The following CEP128 variants were observed in gnomAD, a reference collection of about 807,000 sequenced individuals.
CEP128 encodes centrosomal protein 128kDa.
Under a neutral mutation model 156.7 loss-of-function variants are expected in CEP128, and 132 were observed. The ratio of observed to expected loss-of-function variants is 0.84; its 90% CI spans 0.73 to 0.97. The LOEUF is 0.97. CEP128 is among the 50% of genes least tolerant of loss of function. The pLI is 0.00. For synonymous variants in CEP128, 469 were observed against 448.9 expected (o/e 1.04, Z -0.57); for missense variants, 1,252 against 1,281.9 (o/e 0.98, Z 0.36).
chr14:80,740,904 G>C (rs1462117275), intron 19 of CEP128, among the ~76,000 whole-genome samples: 1 of 152,132 alleles, frequency 6.6e-6, no homozygotes, highest in Non-Finnish European at 1.5e-5. Flanking sequence ...CAGCATGGGG[G>C]CAGTGAGGAA....
chr14:80,488,111 A>G (rs1388941242), downstream of CEP128, among the ~76,000 whole-genome samples: 2 of 141,332 alleles, frequency 1.4e-5, no homozygotes, highest in Non-Finnish European at 3.1e-5. Context: ...AAGATCAACA[A>G]AATCAATAGA....
At position 80,580,268 on chromosome 14, in the gene CEP128, G is replaced by T. The variant is rs542094629; in HGVS notation, c.2856+106C>A. The T allele has an allele frequency of 3.3e-4, 223 of 677,162 alleles. 1 individual carries two copies. The highest frequency in any genetic ancestry group is 4.3e-4 in the Non-Finnish European group (168 of 391,426). 41.9% of individuals were successfully genotyped at this position (677,162 alleles called of 1,614,324 possible). A position where few individuals can be genotyped will look rare whatever the true frequency, so the allele number is the denominator to read the frequency against. On this transcript the variant is annotated intron_variant, in intron 20 of 24. Coordinates refer to ENST00000555265, the MANE Select transcript of CEP128 (RefSeq NM_152446.5). ...ACTTTATAGTTCTGACATTGTCCTT[G>T]TCACCCTATTTGCTATACCAGTGTG... is the stretch of plus-strand genomic sequence containing the variant.
chr14:80,876,858 G>A (rs944084918), intron 8 of CEP128, among the ~76,000 whole-genome samples: 10 of 152,106 alleles, frequency 6.6e-5, no homozygotes, highest in Non-Finnish European at 1.3e-4. Context: ...CACCCTAAAG[G>A]AAATCTTAAA....
intron 8 of CEP128, among the ~76,000 whole-genome samples, chr14:80,876,936 T>C (rs1204736289): frequency 1.3e-5 from 2 of 152,080 alleles, no homozygotes; most frequent in Admixed American, 6.6e-5. Flanking sequence ...AAACAGTAAA[T>C]CTAAGGGTAA....
At chr14:80,956,690 A>C (rs1566735929) in intron 2 of CEP128, among the ~76,000 whole-genome samples, 1 of 152,230 alleles carries the variant, frequency 6.6e-6, no homozygotes, top group Non-Finnish European at 1.5e-5. Context: ...GATAAAAAAA[A>C]ATGCAGGTTA....
chr14:80,633,228 G>C (rs924773037), intron 19 of CEP128, among the ~76,000 whole-genome samples: 3 of 150,558 alleles, frequency 2.0e-5, no homozygotes, highest in Middle Eastern at 6.8e-3. Flanking sequence ...ACCCTGCCTA[G>C]AAACAAACAA....
intron 19 of CEP128, among the ~76,000 whole-genome samples, chr14:80,646,634 C>G (rs1894645438): frequency 6.6e-6 from 1 of 151,890 alleles, no homozygotes; most frequent in Non-Finnish European, 1.5e-5. Context: ...ACTATACATT[C>G]AATACTACAT....
At chr14:80,595,910 C>T (rs1161195002) in intron 19 of CEP128, among the ~76,000 whole-genome samples, 1 of 152,038 alleles carries the variant, frequency 6.6e-6, no homozygotes, top group Admixed American at 6.6e-5. Flanking sequence ...GACTTATTCA[C>T]TATCACCAGA....
chr14:80,862,766 C>T lies in CEP128; in HGVS notation c.753G>A (p.Gln251=), dbSNP rs1887576593. The change falls in exon 9 of 25, where the codon CAG becomes CAA. Residue 251 remains glutamine, a synonymous_variant. Coordinates refer to ENST00000555265, the MANE Select transcript of CEP128 (RefSeq NM_152446.5). ...RQDQLGLMSL[Q]LQEALKKQEA... ...AGTGTTTTTCACAAACCTCCTGTAG[C>T]TGCAGGGACATGAGTCCCAGTTGAT... The T allele has an allele frequency of 1.9e-6, 3 of 1,605,386 alleles. No homozygotes were observed. The highest frequency in any genetic ancestry group is 2.6e-6 in the Non-Finnish European group (3 of 1,172,268).
chr14:80,863,839 T>C (rs1395185762), intron 8 of CEP128, among the ~76,000 whole-genome samples: 1 of 152,210 alleles, frequency 6.6e-6, no homozygotes, highest in African/African-American at 2.4e-5. Flanking sequence ...AAAAAAGTTA[T>C]TGAATTGTAC....
chr14:80,623,323 G>A (rs1220833131), intron 19 of CEP128, among the ~76,000 whole-genome samples: 3 of 139,302 alleles, frequency 2.2e-5, no homozygotes, highest in African/African-American at 8.1e-5. Context: ...GTGGGGGGAA[G>A]GGGGAGGGAT....
intron 19 of CEP128, among the ~76,000 whole-genome samples, chr14:80,589,933 T>G (rs1306776044): frequency 6.6e-6 from 1 of 152,168 alleles, no homozygotes; most frequent in African/African-American, 2.4e-5. Context: ...ATATTATACC[T>G]TATTAAATTT....
chr14:80,884,802 G>A (rs533285675), intron 8 of CEP128, among the ~76,000 whole-genome samples: 15 of 152,220 alleles, frequency 9.9e-5, no homozygotes, highest in African/African-American at 3.4e-4. Flanking sequence ...GAACCCCAGC[G>A]AGACAGAACT....
intron 19 of CEP128, among the ~76,000 whole-genome samples, chr14:80,702,576 A>T (rs1457262666): frequency 6.6e-6 from 1 of 152,176 alleles, no homozygotes. Context: ...CACTTTACAT[A>T]TATCAGTTCA....
intron 14 of CEP128, among the ~76,000 whole-genome samples, chr14:80,790,752 T>G (rs1227184048): frequency 6.6e-6 from 1 of 152,114 alleles, no homozygotes; most frequent in Non-Finnish European, 1.5e-5. Flanking sequence ...TTTTGCCGTT[T>G]TGTATATTTT....
chr14:80,504,952 G>A lies in CEP128; in HGVS notation c.3141C>T (p.His1047=). 1 of 1,606,492 alleles carries A rather than the reference G, an allele frequency of 6.2e-7. No individual in the cohort carries two copies. Among genetic ancestry groups the A allele is most frequent in the Non-Finnish European group, 8.5e-7 (1 of 1,175,538 alleles). Residue 1047 remains histidine, a synonymous_variant, in exon 24 of 25, where the codon CAC becomes CAT. Transcript: ENST00000555265. Reference sequence around the variant, plus strand: ...ATCTTGGACTAGACAGGAAGCGACTGTGATCCTGCCAAGAGGATGAGTGAT... The same window carrying A: ...ATCTTGGACTAGACAGGAAGCGACTATGATCCTGCCAAGAGGATGAGTGAT... ...GLDHSSSWQD[H]SRFLSSPRFS...
intron 15 of CEP128, among the ~76,000 whole-genome samples, chr14:80,779,960 C>T (rs1293256065): frequency 6.6e-6 from 1 of 152,108 alleles, no homozygotes; most frequent in East Asian, 1.9e-4. Flanking sequence ...ACACAGAACT[C>T]CAATCCTGCA....
chr14:80,770,127 C>A (rs1900442370), intron 16 of CEP128, among the ~76,000 whole-genome samples: 1 of 152,200 alleles, frequency 6.6e-6, no homozygotes, highest in African/African-American at 2.4e-5. Flanking sequence ...AGTTATCAAT[C>A]CCTCAGTGAG....
intron 20 of CEP128, among the ~76,000 whole-genome samples, chr14:80,561,921 G>GTTTTGT (rs561096878): frequency 9.7e-6 from 1 of 103,198 alleles, no homozygotes; most frequent in African/African-American, 3.6e-5. Context: ...TATTTGTTTT[G>GTTTTGT]TTTTGTTTTT....
Sources: allele counts gnomAD v4.1 joint callset (sites outside exome capture counted in the v4.1 genomes callset), GRCh38; gene constraint gnomAD v4.1.1; transcripts MANE v1.5; gene names NCBI Gene and HGNC (gene_info 2026-07-23, HGNC 2026-07-21).